Variants in PLLP observed in about 807,000 individuals in gnomAD.
PLLP encodes the protein plasma membrane proteolipid (plasmolipin).
PLLP carries 15 observed loss-of-function variants against 19.7 expected under a neutral mutation model. The ratio of observed to expected loss-of-function variants is 0.76; its 90% CI spans 0.51 to 1.17. The LOEUF is 1.17. Among genes scored for constraint, PLLP ranks in the 50% most tolerant of loss-of-function variants. The probability of loss-of-function intolerance (pLI) is 0.00; values close to 1 mark genes in which losing one functional copy is unlikely to be tolerated. For synonymous variants in PLLP, 111 were observed against 116.3 expected, an observed-to-expected ratio of 0.95 and a Z score of 0.29; for missense variants, 255 against 258.3, an observed-to-expected ratio of 0.99 and a Z score of 0.09.
chr16:57,284,423 G>A lies in PLLP; in HGVS notation c.118C>T (p.Leu40Phe). ...GCTCTCACCAGCTGCAGCAGCATGA[G>A]CGCCCCGAGGCGGGAGCGCACGAAG... Reference protein sequence around the residue: ...LGFVRSRLGALMLLQLVLGLL... With the variant: ...LGFVRSRLGAFMLLQLVLGLL... Residue 40 changes from leucine (L) to phenylalanine (F), a missense_variant, in exon 1 of 4, where the codon CTC becomes TTC. Coordinates refer to ENST00000219207, the MANE Select transcript of PLLP (RefSeq NM_015993.3). The A allele has an allele frequency of 7.0e-7, 1 of 1,421,474 alleles. No homozygotes were observed. The highest frequency in any genetic ancestry group is 9.2e-7 in the Non-Finnish European group (1 of 1,086,478). 88.1% of individuals were successfully genotyped at this position (1,421,474 alleles called of 1,614,324 possible).
intron 1 of PLLP, among the ~76,000 whole-genome samples, chr16:57,270,514 A>T (rs1227852915): frequency 6.6e-6 from 1 of 151,840 alleles, no homozygotes; most frequent in African/African-American, 2.4e-5. Flanking sequence ...CTGGGGACAC[A>T]TCTGGGCAAG....
Position 57,258,541 on chromosome 16 carries a change from G to T in PLLP, c.353C>A (p.Ala118Asp), listed in dbSNP as rs1210683670. The T allele has an allele frequency of 2.5e-6, 4 of 1,613,486 alleles. No homozygotes were observed. Among genetic ancestry groups the T allele is most frequent in the Admixed American group, 1.7e-5 (1 of 60,008 alleles). Residue 118 changes from alanine to aspartate, a missense_variant, in exon 3 of 4, where the codon GCC becomes GAC. Physicochemically the swap from Ala to Asp is moderately radical, Grantham distance 126. Transcript: ENST00000219207. ...NISATVLYITAFIACSAAVDL... is the reference protein window; with the variant it reads ...NISATVLYITDFIACSAAVDL... ...AACTGCCGCAGAGCAGGCGATGAAG[G>T]CGGTGATGTAGAGAACGGTGGCGCT...
At chr16:57,269,909 G>A (rs996934384) in intron 1 of PLLP, among the ~76,000 whole-genome samples, 2 of 152,082 alleles carry the variant, frequency 1.3e-5, no homozygotes, top group Non-Finnish European at 2.9e-5. Context: ...GGGATTACAG[G>A]TGCGTGCCAC....
chr16:57,266,858 A>G (rs542897591), intron 1 of PLLP, among the ~76,000 whole-genome samples: 117 of 137,800 alleles, frequency 8.5e-4, no homozygotes, highest in African/African-American at 2.8e-3. Context: ...TCAAGGGCAC[A>G]GGGCCTTTTT....
At chr16:57,281,121 C>A (rs9922349) in intron 1 of PLLP, among the ~76,000 whole-genome samples, 54,436 of 152,042 alleles carry the variant, frequency 0.36, 10,229 homozygotes, top group African/African-American at 0.46. Context: ...TCCTGGAAAG[C>A]AGGCTGTGGG....
At chr16:57,281,845 A>G (rs909809056) in intron 1 of PLLP, among the ~76,000 whole-genome samples, 2 of 152,126 alleles carry the variant, frequency 1.3e-5, no homozygotes, top group Non-Finnish European at 2.9e-5. Context: ...TAAAATGTGC[A>G]GGTCATTTTC....
intron 1 of PLLP, among the ~76,000 whole-genome samples, chr16:57,265,942 A>G (rs147572743): frequency 1.4e-3 from 209 of 152,278 alleles, no homozygotes; most frequent in African/African-American, 4.7e-3. Context: ...TGGAGGATCA[A>G]TGGAGCCTGG....
At chr16:57,274,792 T>C (rs1026826351) in intron 1 of PLLP, among the ~76,000 whole-genome samples, 1 of 150,956 alleles carries the variant, frequency 6.6e-6, no homozygotes, top group Non-Finnish European at 1.5e-5. Flanking sequence ...GATGGAGTCT[T>C]GCTCTGTCAC....
At chr16:57,279,544 T>C (rs1319340355) in intron 1 of PLLP, among the ~76,000 whole-genome samples, 1 of 152,054 alleles carries the variant, frequency 6.6e-6, no homozygotes, top group African/African-American at 2.4e-5. Context: ...CATTGTGGCA[T>C]GTACCTGTCG....
Position 57,258,644 on chromosome 16 carries a change from A to G in PLLP, c.310-60T>C, listed in dbSNP as rs11866679. 4,228 of 1,563,512 alleles carry G rather than the reference A, an allele frequency of 2.7e-3. 93 individuals are homozygous for G. The African/African-American group carries it at 0.037, about 14-fold the overall frequency. The stretch of plus-strand genomic sequence containing the variant: ...AAGGCTTAAGACACAAAGAGAGGCC[A>G]GACACGGTGGTTCACACCTGTAATC... On this transcript the variant is annotated intron_variant, in intron 2 of 3. Transcript: ENST00000219207.
At chr16:57,258,317 C>A in intron 3 of PLLP, 145 bp downstream of exon 3, 1 of 720,762 alleles carries the variant, frequency 1.4e-6, no homozygotes, top group Non-Finnish European at 2.2e-6. Flanking sequence ...CTGGAGGCGG[C>A]CCGGCTCCCC....
At chr16:57,273,185 G>A (rs1174918449) in intron 1 of PLLP, among the ~76,000 whole-genome samples, 5 of 151,636 alleles carry the variant, frequency 3.3e-5, no homozygotes, top group Non-Finnish European at 5.9e-5. Flanking sequence ...GTGTGAACTC[G>A]GGAGGCGGAG....
intron 1 of PLLP, among the ~76,000 whole-genome samples, chr16:57,274,649 C>T (rs751905065): frequency 6.0e-5 from 9 of 150,806 alleles, no homozygotes; most frequent in Non-Finnish European, 1.3e-4. Flanking sequence ...GATGAGGTCT[C>T]ACCATGTTGG....
At chr16:57,284,032 G>T (rs117708406) in intron 1 of PLLP, among the ~76,000 whole-genome samples, 6 of 151,896 alleles carry the variant, frequency 4.0e-5, no homozygotes, top group South Asian at 2.1e-4. Context: ...AGAGAGGAGG[G>T]AAGGGAGGGC....
At position 57,284,514 on chromosome 16, in the gene PLLP, G is replaced by A. The variant is rs757592057; in HGVS notation, c.27C>T (p.Ser9=). 2.9e-6 allele frequency: 4 copies of A among 1,396,874 alleles called. No individual in the cohort carries two copies. The highest frequency in any genetic ancestry group is 2.8e-5 in the East Asian group (1 of 35,818). The allele number at this position is 1,396,874 out of a possible 1,614,324, so 86.5% of individuals were successfully genotyped here. Residue 9 remains serine, a synonymous_variant, in exon 1 of 4, where the codon AGC becomes AGT. Transcript: ENST00000219207. MAEFPSKV[S]TRTSSPAQGA... ...CCTGCGCAGGACTGCTGGTCCGCGT[G>A]CTAACTTTCGACGGGAACTCGGCCA...
At chr16:57,281,398 A>T (rs775463180) in intron 1 of PLLP, among the ~76,000 whole-genome samples, 5 of 152,022 alleles carry the variant, frequency 3.3e-5, no homozygotes, top group Non-Finnish European at 7.4e-5. Flanking sequence ...TTCCCAGCAG[A>T]TGGTGGTGCC....
At chr16:57,261,816 C>T in intron 2 of PLLP, 81 bp downstream of exon 2, 1 of 1,303,066 alleles carries the variant, frequency 7.7e-7, no homozygotes, top group Non-Finnish European at 1.1e-6. Flanking sequence ...TCAGGCCACC[C>T]CCCCACACCC....
chr16:57,259,940 G>T (rs1189074332), intron 2 of PLLP, among the ~76,000 whole-genome samples: 3 of 150,164 alleles, frequency 2.0e-5, no homozygotes, highest in Non-Finnish European at 4.4e-5. Context: ...TCGTGCCACT[G>T]CACTCCAGCC....
At position 57,262,012 on chromosome 16, in the gene PLLP, G is replaced by A. The variant is rs1846168291; in HGVS notation, c.194C>T (p.Ala65Val). The A allele has an allele frequency of 6.2e-7, 1 of 1,614,186 alleles. No homozygotes were observed. The highest frequency in any genetic ancestry group is 8.5e-7 in the Non-Finnish European group (1 of 1,180,010). Residue 65 changes from alanine to valine, a missense_variant, in exon 2 of 4, where the codon GCC (alanine) becomes GTC (valine). Physicochemically the swap from Ala to Val is moderately conservative, Grantham distance 64 (BLOSUM62 0). Coordinates refer to ENST00000219207, the MANE Select transcript of PLLP (RefSeq NM_015993.3). ...AGCGACGAACATCACCCAGCCATAG[G>A]CCGGATACAGGTGGTACGGGGTGTC... ...IADTPYHLYP[A>V]YGWVMFVAVF... is the part of the protein sequence containing the mutation.
Sources: gnomAD v4.1 joint callset for allele counts (sites outside exome capture counted in the v4.1 genomes callset) on GRCh38, gnomAD v4.1.1 for gene constraint, MANE v1.5 for transcripts, NCBI Gene and HGNC (gene_info 2026-07-23, HGNC 2026-07-21) for gene names.